Variants in DPP6 observed in about 807,000 individuals in gnomAD.
DPP6 encodes A-type potassium channel modulatory protein DPP6.
In DPP6, 69 loss-of-function variants were observed where a neutral mutation model predicts 122.6. The observed-to-expected ratio is 0.56, with a 90% CI of 0.46 to 0.69. The LOEUF (loss-of-function observed/expected upper bound fraction) is 0.69, where lower values mean the gene tolerates loss of function less well. Ranked by LOEUF, DPP6 falls within the 30% of genes least tolerant of loss-of-function variation. The probability of loss-of-function intolerance (pLI) is 0.00; values close to 1 mark genes in which losing one functional copy is unlikely to be tolerated. For missense variants in DPP6, 928 were observed against 1,116.9 expected (o/e 0.83, Z 2.41); for synonymous variants, 418 against 433.1 (o/e 0.97, Z 0.43).
chr7:154,830,937 A>G (rs7807857), intron 16 of DPP6, among the ~76,000 whole-genome samples: 122,645 of 152,162 alleles, frequency 0.81, 49,681 homozygotes, highest in East Asian at 0.99. Flanking sequence ...ATTGCTGGAC[A>G]GCCACAGAAC....
chr7:154,887,233 C>T (rs1217702873), intron 22 of DPP6, among the ~76,000 whole-genome samples: 1 of 152,230 alleles, frequency 6.6e-6, no homozygotes, highest in East Asian at 1.9e-4. Flanking sequence ...ACTCTTCTGT[C>T]ACCCAGCTGA....
At chr7:154,189,894 T>C (rs746813040) in intron 1 of DPP6, among the ~76,000 whole-genome samples, 2 of 152,208 alleles carry the variant, frequency 1.3e-5, no homozygotes, top group Non-Finnish European at 2.9e-5. Context: ...ACCAACAACA[T>C]TTTACAATGA....
the DPP6 span, among the ~76,000 whole-genome samples, chr7:153,753,843 G>A: frequency 7.2e-5 from 11 of 152,070 alleles, no homozygotes; most frequent in African/African-American, 2.4e-4. Context: ...ACCCATTTGC[G>A]CTCCTAGAAT....
chr7:153,858,096 C>T, the DPP6 span, among the ~76,000 whole-genome samples: 2 of 152,158 alleles, frequency 1.3e-5, no homozygotes, highest in Non-Finnish European at 2.9e-5. Flanking sequence ...CATTCTCTTA[C>T]CAGAATTTGT....
At chr7:154,054,947 TC>T (rs755566010) in intron 1 of DPP6, among the ~76,000 whole-genome samples, 3 of 152,074 alleles carry the variant, frequency 2.0e-5, no homozygotes, top group Non-Finnish European at 2.9e-5. Context: ...AGTATACATG[TC>T]CTTCTTTTTA....
chr7:154,485,826 G>T (rs1823737797), intron 3 of DPP6, among the ~76,000 whole-genome samples: 1 of 152,020 alleles, frequency 6.6e-6, no homozygotes, highest in Non-Finnish European at 1.5e-5. Context: ...AACTTTTAGG[G>T]TACATGTGCA....
Position 154,772,922 on chromosome 7 carries a change from G to A in DPP6, c.1116G>A (p.Pro372=), listed in dbSNP as rs377192691. ...NGPTHDLEMM[P]PDDPRMREYY... ...CCACCCATGATCTGGAGATGATGCC[G>A]CCTGATGATCCACGGATGAGGTTTG... Residue 372 remains proline (P), a synonymous_variant, in exon 10 of 26, where the codon CCG becomes CCA. Coordinates refer to ENST00000377770, the MANE Select transcript of DPP6 (RefSeq NM_130797.4). 57 of 1,605,002 alleles carry A rather than the reference G, an allele frequency of 3.6e-5. No individual in the cohort carries two copies. The highest frequency in any genetic ancestry group is 1.6e-4 in the African/African-American group (12 of 74,068).
At chr7:153,990,732 G>C (rs527727784) in intron 1 of DPP6, among the ~76,000 whole-genome samples, 1 of 152,180 alleles carries the variant, frequency 6.6e-6, no homozygotes, top group African/African-American at 2.4e-5. Context: ...TGCCTATGGT[G>C]TTATAGTGTG....
At chr7:154,214,850 C>G (rs941939473) in intron 1 of DPP6, among the ~76,000 whole-genome samples, 1 of 152,064 alleles carries the variant, frequency 6.6e-6, no homozygotes, top group Non-Finnish European at 1.5e-5. Context: ...TCCAGAAAGT[C>G]AAGGATGCTG....
intron 1 of DPP6, among the ~76,000 whole-genome samples, chr7:154,310,547 T>C (rs540581167): frequency 6.6e-6 from 1 of 152,348 alleles, no homozygotes; most frequent in East Asian, 1.9e-4. Context: ...ATGCTTTCTC[T>C]GTGCATTAAA....
chr7:154,623,073 G>A (rs113278475), intron 5 of DPP6, among the ~76,000 whole-genome samples: 2,644 of 152,248 alleles, frequency 0.017, 33 homozygotes, highest in Middle Eastern at 0.048. Flanking sequence ...TTGTATCCAG[G>A]TGGCACTGAG....
chr7:154,262,425 T>C (rs972630951), intron 1 of DPP6, among the ~76,000 whole-genome samples: 2 of 152,078 alleles, frequency 1.3e-5, no homozygotes, highest in Non-Finnish European at 2.9e-5. Context: ...ACACCAGGAA[T>C]GCACTGCCAC....
At chr7:154,716,762 C>A (rs1287334032) in intron 7 of DPP6, among the ~76,000 whole-genome samples, 3 of 150,596 alleles carry the variant, frequency 2.0e-5, no homozygotes. Context: ...ATTTTATTTT[C>A]TTTTTAGATT....
chr7:153,838,489 T>A, the DPP6 span, among the ~76,000 whole-genome samples: 1 of 152,162 alleles, frequency 6.6e-6, no homozygotes. Flanking sequence ...AGAATTGTGT[T>A]ACCATGTAAC....
intron 1 of DPP6, among the ~76,000 whole-genome samples, chr7:153,983,399 A>T: frequency 6.6e-6 from 1 of 152,154 alleles, no homozygotes; most frequent in East Asian, 1.9e-4. Context: ...CCCTCCCCTG[A>T]CCAAGCTTGA....
intron 1 of DPP6, among the ~76,000 whole-genome samples, chr7:154,375,788 G>A (rs1401440257): frequency 2.0e-5 from 3 of 152,174 alleles, no homozygotes; most frequent in East Asian, 1.9e-4. Flanking sequence ...GCAGACCAAC[G>A]CAAGCCTTTT....
chr7:153,901,981 T>C (rs1045549066), intron 1 of DPP6, among the ~76,000 whole-genome samples: 1 of 152,254 alleles, frequency 6.6e-6, no homozygotes, highest in Admixed American at 6.5e-5. Flanking sequence ...GGAAATTCCC[T>C]TGTGGAATCT....
the DPP6 span, among the ~76,000 whole-genome samples, chr7:153,840,583 G>A: frequency 6.6e-6 from 1 of 152,084 alleles, no homozygotes; most frequent in Non-Finnish European, 1.5e-5. Flanking sequence ...ACTTCTTCAT[G>A]TAGAAAAGTG....
chr7:154,383,213 T>A (rs998478235), intron 1 of DPP6, among the ~76,000 whole-genome samples: 1 of 152,224 alleles, frequency 6.6e-6, no homozygotes, highest in South Asian at 2.1e-4. Context: ...TATTAATATA[T>A]AACAGGCTGA....
Sources: allele counts gnomAD v4.1 joint callset (sites outside exome capture counted in the v4.1 genomes callset), GRCh38; gene constraint gnomAD v4.1.1; transcripts MANE v1.5; gene names NCBI Gene and HGNC (gene_info 2026-07-23, HGNC 2026-07-21).